The following ADAMTSL1 variants were observed in gnomAD, a reference collection of about 807,000 sequenced individuals.
The protein encoded by ADAMTSL1 is ADAMTS like 1, also known as ADAMTS-like protein 1.
A neutral mutation model predicts 201.8 loss-of-function variants in ADAMTSL1; 126 were observed. The ratio of observed to expected loss-of-function variants is 0.62; its 90% CI spans 0.54 to 0.72. The LOEUF (loss-of-function observed/expected upper bound fraction) is 0.72, where lower values mean the gene tolerates loss of function less well. Among genes scored for constraint, ADAMTSL1 ranks in the 30% least tolerant of loss-of-function variants. The probability of loss-of-function intolerance (pLI) is 0.00; values close to 1 mark genes in which losing one functional copy is unlikely to be tolerated. For synonymous variants in ADAMTSL1, 1,121 were observed against 903.4 expected (o/e 1.24, Z -4.32); for missense variants, 2,679 against 2,277.8 (o/e 1.18, Z -3.59).
intron 2 of ADAMTSL1, among the ~76,000 whole-genome samples, chr9:18,454,385 G>A (rs1321290658): frequency 6.6e-6 from 1 of 152,052 alleles, no homozygotes; most frequent in African/African-American, 2.4e-5. Flanking sequence ...CACATTGAGG[G>A]CAGATCTTCC....
intron 15 of ADAMTSL1, among the ~76,000 whole-genome samples, chr9:18,732,005 C>T (rs531481476): frequency 1.3e-5 from 2 of 152,276 alleles, no homozygotes; most frequent in Admixed American, 6.5e-5. Context: ...CGTTACCTCT[C>T]TAAGACTCAG....
chr9:18,707,821 T>G (rs1031993072), intron 14 of ADAMTSL1, among the ~76,000 whole-genome samples: 1 of 152,232 alleles, frequency 6.6e-6, no homozygotes, highest in Non-Finnish European at 1.5e-5. Flanking sequence ...TATTCCATGG[T>G]GATAGAACAG....
At chr9:18,680,280 G>A (rs375615177) in intron 10 of ADAMTSL1, 32 bp from the exon 11 acceptor site, 2 of 1,604,728 alleles carry the variant, frequency 1.2e-6, no homozygotes, top group African/African-American at 1.3e-5. Context: ...CAATGTGCAT[G>A]TCTGCCCTGA....
At chr9:18,680,604 C>T in intron 11 of ADAMTSL1, 88 bp downstream of exon 11, 1 of 1,428,222 alleles carries the variant, frequency 7.0e-7, no homozygotes, top group South Asian at 1.2e-5. Flanking sequence ...CCCTGAGCAG[C>T]TCCACACTCT....
At chr9:18,581,337 T>G (rs1023276513) in intron 4 of ADAMTSL1, among the ~76,000 whole-genome samples, 1 of 152,204 alleles carries the variant, frequency 6.6e-6, no homozygotes, top group Non-Finnish European at 1.5e-5. Flanking sequence ...CTGCAAAGAT[T>G]CTATTTCCTA....
intron 1 of ADAMTSL1, among the ~76,000 whole-genome samples, chr9:18,098,710 C>G (rs1164679974): frequency 6.6e-6 from 1 of 152,194 alleles, no homozygotes. Flanking sequence ...CTTTATTTCA[C>G]TGGTTAGAAT....
chr9:18,628,331 T>A (rs2132717162), intron 5 of ADAMTSL1, among the ~76,000 whole-genome samples: 1 of 152,350 alleles, frequency 6.6e-6, no homozygotes, highest in South Asian at 2.1e-4. Flanking sequence ...CAGTACCATT[T>A]GTTGAAAAAG....
intron 2 of ADAMTSL1, among the ~76,000 whole-genome samples, chr9:18,507,353 T>A (rs952180405): frequency 3.3e-5 from 5 of 152,220 alleles, no homozygotes; most frequent in African/African-American, 9.6e-5. Context: ...AGTTAATCCC[T>A]TTGGGGGTGT....
intron 3 of ADAMTSL1, among the ~76,000 whole-genome samples, chr9:18,557,767 C>T (rs1212086776): frequency 6.6e-6 from 1 of 152,016 alleles, no homozygotes; most frequent in Non-Finnish European, 1.5e-5. Context: ...AAATGACTGG[C>T]ATAAGAACCA....
At chr9:18,130,885 T>C (rs1485242791) in intron 1 of ADAMTSL1, among the ~76,000 whole-genome samples, 7 of 152,092 alleles carry the variant, frequency 4.6e-5, no homozygotes, top group Non-Finnish European at 1.5e-5. Context: ...TAAGTATCCA[T>C]CATCAACTTT....
At chr9:18,105,226 A>G (rs1329671499) in intron 1 of ADAMTSL1, among the ~76,000 whole-genome samples, 1 of 152,100 alleles carries the variant, frequency 6.6e-6, no homozygotes, top group Non-Finnish European at 1.5e-5. Context: ...TTCCAGCCCT[A>G]ACTTTCGGTG....
intron 2 of ADAMTSL1, among the ~76,000 whole-genome samples, chr9:18,328,415 A>T (rs1834909331): frequency 1.3e-5 from 2 of 152,186 alleles, no homozygotes; most frequent in Non-Finnish European, 2.9e-5. Context: ...GCATTTATTA[A>T]GCTCTTACTG....
intron 1 of ADAMTSL1, among the ~76,000 whole-genome samples, chr9:18,051,835 A>G (rs898899318): frequency 6.6e-6 from 1 of 152,186 alleles, no homozygotes; most frequent in Admixed American, 6.5e-5. Flanking sequence ...ACAGATGCTG[A>G]GTAGACAAAA....
chr9:18,902,592 GCA>G (rs2131609591), intron 26 of ADAMTSL1, among the ~76,000 whole-genome samples: 1 of 151,726 alleles, frequency 6.6e-6, no homozygotes, highest in East Asian at 1.9e-4. Flanking sequence ...AATATATGGA[GCA>G]CAGAGAAAAT....
At chr9:18,070,755 T>G (rs577920541) in intron 1 of ADAMTSL1, among the ~76,000 whole-genome samples, 2 of 152,052 alleles carry the variant, frequency 1.3e-5, no homozygotes, top group Non-Finnish European at 2.9e-5. Flanking sequence ...AGAGCGGGGC[T>G]AGATAGACAG....
chr9:18,722,889 T>G, intron 15 of ADAMTSL1: 1 of 693,804 alleles, frequency 1.4e-6, no homozygotes, highest in Non-Finnish European at 2.7e-6. Context: ...AGTAACCTCG[T>G]TTTCTATCCC....
intron 7 of ADAMTSL1, among the ~76,000 whole-genome samples, chr9:18,654,340 G>T (rs1828488013): frequency 6.6e-6 from 1 of 152,172 alleles, no homozygotes; most frequent in African/African-American, 2.4e-5. Flanking sequence ...AAGGAAACTG[G>T]CAGATGTATA....
intron 2 of ADAMTSL1, among the ~76,000 whole-genome samples, chr9:18,333,114 G>C (rs1229274238): frequency 6.6e-6 from 1 of 152,130 alleles, no homozygotes; most frequent in Non-Finnish European, 1.5e-5. Flanking sequence ...GGTGATCAAG[G>C]TTTTCAAAAT....
Position 18,908,428 on chromosome 9 carries a change from T to TC in ADAMTSL1, c.5183-12dup. 6.4e-7 allele frequency: 1 copy of TC among 1,550,552 alleles called. No homozygotes were observed. The highest frequency in any genetic ancestry group is 8.7e-7 in the Non-Finnish European group (1 of 1,145,406). On this transcript the variant is annotated splice_polypyrimidine_tract_variant and intron_variant, in intron 28 of 28. Transcript: ENST00000380548. ...TTTTCTGTCTCCTCTCCCGACCCCG[T>TC]CCTCCTTTCCCAGTGGAGTGCAGAG...
Sources: gnomAD v4.1 joint callset for allele counts (sites outside exome capture counted in the v4.1 genomes callset) on GRCh38, gnomAD v4.1.1 for gene constraint, MANE v1.5 for transcripts, NCBI Gene and HGNC (gene_info 2026-07-23, HGNC 2026-07-21) for gene names.